TANC2: variants seen among roughly 807,000 people sequenced by gnomAD.
The protein encoded by TANC2 is protein TANC2.
A neutral mutation model predicts 210.5 loss-of-function variants in TANC2; 26 were observed. The observed-to-expected ratio is 0.12, with a 90% CI of 0.09 to 0.17. The LOEUF (loss-of-function observed/expected upper bound fraction) is 0.17, where lower values mean the gene tolerates loss of function less well. Among genes scored for constraint, TANC2 ranks in the 10% least tolerant of loss-of-function variants. The pLI is 1.00. For missense variants in TANC2, 2,129 were observed against 2,608.9 expected (o/e 0.82, Z 4.01); for synonymous variants, 931 against 967.1 (o/e 0.96, Z 0.69).
chr17:63,203,555 C>G (rs1440428768), intron 7 of TANC2, among the ~76,000 whole-genome samples: 3 of 152,136 alleles, frequency 2.0e-5, no homozygotes, highest in African/African-American at 7.2e-5. Context: ...AAAATTGTCT[C>G]ATTTTAATAT....
chr17:63,179,333 C>G (rs1598541156), intron 5 of TANC2, among the ~76,000 whole-genome samples: 1 of 152,258 alleles, frequency 6.6e-6, no homozygotes, highest in East Asian at 1.9e-4. Flanking sequence ...GCTCAAGAAC[C>G]AGATTGCTTG....
At chr17:63,267,399 T>C (rs1176358002) in intron 8 of TANC2, among the ~76,000 whole-genome samples, 1 of 152,156 alleles carries the variant, frequency 6.6e-6, no homozygotes, top group African/African-American at 2.4e-5. Flanking sequence ...TCTACCATTA[T>C]CTATTTCTTT....
intron 12 of TANC2, among the ~76,000 whole-genome samples, chr17:63,343,669 C>T (rs1490155243): frequency 1.3e-5 from 2 of 152,076 alleles, no homozygotes; most frequent in African/African-American, 4.8e-5. Flanking sequence ...CTTTGGGAGG[C>T]CAGGGCAGGA....
At position 63,418,560 on chromosome 17, in the gene TANC2, G is replaced by A. The variant is rs917062881; in HGVS notation, c.4268+153G>A. Among the ~76,000 whole-genome samples the A allele has an allele frequency of 1.3e-5, 2 of 152,242 alleles. No homozygotes were observed. The highest frequency in any genetic ancestry group is 4.8e-5 in the African/African-American group (2 of 41,466). Reference sequence around the variant, plus strand: ...CTTTGGGGATGGCTCCCATAGCACAGCCCTCAGCTCAAGATCAGCAAATCT... The same window carrying A: ...CTTTGGGGATGGCTCCCATAGCACAACCCTCAGCTCAAGATCAGCAAATCT... On this transcript the variant is annotated intron_variant, in intron 27 of 27. Transcript: ENST00000689528. This position sits in a 1 kb window ranked among gnomAD's most constrained non-coding sequence, Gnocchi z 4.6.
intron 5 of TANC2, among the ~76,000 whole-genome samples, chr17:63,162,121 A>G (rs1209176695): frequency 6.6e-6 from 1 of 152,110 alleles, no homozygotes; most frequent in Non-Finnish European, 1.5e-5. Flanking sequence ...TGTGGGCAAT[A>G]TAGCAAGACC....
intron 5 of TANC2, chr17:63,153,559 C>T (rs2039731075): frequency 6.6e-6 from 1 of 152,106 alleles, no homozygotes; most frequent in Non-Finnish European, 1.5e-5. Flanking sequence ...TGGAGTGGGT[C>T]AAGAATTTGC....
intron 9 of TANC2, among the ~76,000 whole-genome samples, chr17:63,314,053 C>T (rs1374569283): frequency 6.6e-6 from 1 of 152,202 alleles, no homozygotes; most frequent in Non-Finnish European, 1.5e-5. Flanking sequence ...TAGGTCCCTT[C>T]TTCACTAGGC....
At chr17:63,267,687 G>T in intron 8 of TANC2, 61 bp from the exon 9 acceptor site, 1 of 1,567,934 alleles carries the variant, frequency 6.4e-7, no homozygotes, top group Non-Finnish European at 8.7e-7. Flanking sequence ...CGGAGATACA[G>T]ACTAGCTGAA....
At chr17:63,306,500 GTTCCTGCC>G (rs2044911266) in intron 9 of TANC2, among the ~76,000 whole-genome samples, 1 of 152,146 alleles carries the variant, frequency 6.6e-6, no homozygotes, top group Admixed American at 6.5e-5. Context: ...TACAGTGATG[GTTCCTGCC>G]TTCATAGAGC....
At chr17:63,077,266 T>A (rs2036603633) in intron 3 of TANC2, among the ~76,000 whole-genome samples, 1 of 152,190 alleles carries the variant, frequency 6.6e-6, no homozygotes, top group African/African-American at 2.4e-5. Flanking sequence ...CCATATGCAT[T>A]GATACTATTA....
At chr17:63,121,648 A>G (rs114267826) in intron 4 of TANC2, among the ~76,000 whole-genome samples, 2,404 of 152,224 alleles carry the variant, frequency 0.016, 57 homozygotes, top group African/African-American at 0.055. Context: ...AATGTTTCCC[A>G]AAAAAATCTT....
At chr17:63,233,427 G>A (rs1278670923) in intron 7 of TANC2, among the ~76,000 whole-genome samples, 1 of 152,212 alleles carries the variant, frequency 6.6e-6, no homozygotes, top group African/African-American at 2.4e-5. Flanking sequence ...CTTGGGCAGG[G>A]TAACACAATC....
intron 10 of TANC2, among the ~76,000 whole-genome samples, chr17:63,315,728 A>G (rs1405971253): frequency 6.6e-6 from 1 of 152,194 alleles, no homozygotes; most frequent in Non-Finnish European, 1.5e-5. Flanking sequence ...CTTAACAGGA[A>G]CTCAGTGAAG....
Position 63,351,023 on chromosome 17 carries a change from A to C in TANC2, c.1808-227A>C, listed in dbSNP as rs1413411945. ...TGGAGATTTCTGAAAATGATGATAT[A>C]TATACTCATATGTGACAAAAGCCTT... On this transcript the variant is annotated intron_variant, in intron 12 of 27. Coordinates refer to ENST00000689528, the Ensembl canonical transcript of TANC2. 2.0e-5 allele frequency among the ~76,000 whole-genome samples: 3 copies of C among 152,162 alleles called. No individual in the cohort carries two copies. The South Asian group carries it at 6.2e-4, about 32-fold the overall frequency.
At chr17:63,254,069 T>A (rs2043123647) in intron 8 of TANC2, among the ~76,000 whole-genome samples, 1 of 152,176 alleles carries the variant, frequency 6.6e-6, no homozygotes, top group Non-Finnish European at 1.5e-5. Flanking sequence ...ATCTGTAGAT[T>A]GCTTTTGGTA....
At chr17:63,290,851 C>T (rs1237334442) in intron 9 of TANC2, among the ~76,000 whole-genome samples, 1 of 152,060 alleles carries the variant, frequency 6.6e-6, no homozygotes, top group Non-Finnish European at 1.5e-5. Flanking sequence ...ATTAGGTTCT[C>T]CATAAGCTAC....
intron 7 of TANC2, among the ~76,000 whole-genome samples, chr17:63,204,138 G>A (rs946786511): frequency 1.3e-5 from 2 of 148,356 alleles, no homozygotes; most frequent in African/African-American, 5.0e-5. Flanking sequence ...TATTTTTACA[G>A]CAAAGTTGCA....
chr17:62,987,505 G>A (rs931276837), intron 1 of TANC2, among the ~76,000 whole-genome samples: 6 of 152,182 alleles, frequency 3.9e-5, no homozygotes, highest in African/African-American at 1.4e-4. Context: ...GGGCTTGTGA[G>A]GACTATAGGA....
Position 63,412,510 on chromosome 17 carries a change from G to A in TANC2, c.3899-170G>A, listed in dbSNP as rs764648682. Among the ~76,000 whole-genome samples the A allele has an allele frequency of 2.0e-5, 3 of 152,086 alleles. No homozygotes were observed. Among genetic ancestry groups the A allele is most frequent in the Non-Finnish European group, 4.4e-5 (3 of 68,018 alleles). On this transcript the variant is annotated intron_variant, in intron 23 of 27. Coordinates refer to ENST00000689528, the Ensembl canonical transcript of TANC2. The surrounding 1 kb of genome is among the most constrained non-coding windows in gnomAD (Gnocchi z 4.2). Reference sequence around the variant, plus strand: ...GCTTCAGACTCAAGTCCCTGCTGCCGCTGTCCCAGCTGCTCCCCAAGCCCA... The same window carrying A: ...GCTTCAGACTCAAGTCCCTGCTGCCACTGTCCCAGCTGCTCCCCAAGCCCA...
Sources: allele counts gnomAD v4.1 joint callset (sites outside exome capture counted in the v4.1 genomes callset), GRCh38; gene constraint gnomAD v4.1.1; non-coding constraint Gnocchi (gnomAD v3.1); transcripts MANE v1.5; gene names NCBI Gene and HGNC (gene_info 2026-07-23, HGNC 2026-07-21).